The following PLCB1 variants were observed in gnomAD, a reference collection of about 807,000 sequenced individuals.
The protein encoded by PLCB1 is 1-phosphatidylinositol 4,5-bisphosphate phosphodiesterase beta-1.
Under a neutral mutation model 161.8 loss-of-function variants are expected in PLCB1, and 46 were observed. That is an observed-to-expected ratio of 0.28 (90% confidence interval 0.22 to 0.36). The LOEUF is 0.36. PLCB1 is among the 10% of genes least tolerant of loss of function. The probability of loss-of-function intolerance (pLI) is 1.00; values close to 1 mark genes in which losing one functional copy is unlikely to be tolerated. For missense variants in PLCB1, 1,016 were observed against 1,472.5 expected (o/e 0.69, Z 5.07); for synonymous variants, 517 against 503.7 (o/e 1.03, Z -0.35).
At chr20:8,723,266 A>G (rs2123480177) in intron 15 of PLCB1, among the ~76,000 whole-genome samples, 1 of 152,272 alleles carries the variant, frequency 6.6e-6, no homozygotes, top group South Asian at 2.1e-4. Context: ...GGCAAAGTAT[A>G]TGTTCCTGAG....
chr20:8,273,284 C>T (rs1200440461), intron 2 of PLCB1, among the ~76,000 whole-genome samples: 1 of 152,148 alleles, frequency 6.6e-6, no homozygotes, highest in East Asian at 1.9e-4. Context: ...TATGACTTGG[C>T]TTTTCATTTC....
intron 2 of PLCB1, among the ~76,000 whole-genome samples, chr20:8,192,328 C>CAATTTAAAAAAATTT (rs2051978624): frequency 6.6e-6 from 1 of 151,686 alleles, no homozygotes; most frequent in African/African-American, 2.4e-5. Flanking sequence ...GCCCGAGAAG[C>CAATTTAAAAAAATTT]TAATTTAAAA....
At position 8,161,210 on chromosome 20, in the gene PLCB1, T is replaced by C. The variant is rs118016262; in HGVS notation, c.177+10839T>C. Among the ~76,000 whole-genome samples the C allele has an allele frequency of 1.0e-2, 1,520 of 152,222 alleles. 8 individuals carry two copies. The highest frequency in any genetic ancestry group is 0.016 in the Admixed American group (252 of 15,274). On this transcript the variant is annotated intron_variant, in intron 2 of 31. Transcript: ENST00000338037. ...GTAGCATAGGTATACTTATAGTCTA[T>C]AATAGTATGTATATAGTGCATATAT...
intron 4 of PLCB1, among the ~76,000 whole-genome samples, chr20:8,638,903 A>G (rs1988852918): frequency 6.6e-6 from 1 of 152,066 alleles, no homozygotes; most frequent in Non-Finnish European, 1.5e-5. Flanking sequence ...CTGGAGTAAC[A>G]GAAAACCAAA....
At chr20:8,447,741 A>G (rs191023828) in intron 3 of PLCB1, among the ~76,000 whole-genome samples, 56 of 152,336 alleles carry the variant, frequency 3.7e-4, no homozygotes, top group Non-Finnish European at 1.0e-4. Flanking sequence ...CTTTTGAGCC[A>G]TTAGTCAACA....
Position 8,141,148 on chromosome 20 carries a change from A to G in PLCB1, c.99+8398A>G, listed in dbSNP as rs111753143. Reference sequence around the variant, plus strand: ...TGAATACAAGTTTGAAGAGATTGATAGACTTTTCCAAAGAATCTCTGTTAT... The same window carrying G: ...TGAATACAAGTTTGAAGAGATTGATGGACTTTTCCAAAGAATCTCTGTTAT... On this transcript the variant is annotated intron_variant, in intron 1 of 31. Transcript: ENST00000338037. Among the ~76,000 whole-genome samples, 282 of 152,326 alleles carry G rather than the reference A, an allele frequency of 1.9e-3. 2 individuals are homozygous for G. The highest frequency in any genetic ancestry group is 6.4e-3 in the African/African-American group (265 of 41,576).
intron 31 of PLCB1, among the ~76,000 whole-genome samples, chr20:8,858,022 C>T (rs1020443964): frequency 2.0e-5 from 3 of 152,072 alleles, no homozygotes; most frequent in Non-Finnish European, 4.4e-5. Context: ...CCCAGTTTAT[C>T]ACTTGCTTCT....
chr20:8,804,927 G>A (rs1044471313), intron 31 of PLCB1, among the ~76,000 whole-genome samples: 5 of 143,634 alleles, frequency 3.5e-5, no homozygotes, highest in East Asian at 2.0e-4. Context: ...CCTTGAACCC[G>A]GAAGGTGATG....
Position 8,739,017 on chromosome 20 carries a change from G to A in PLCB1, c.2209-244G>A, listed in dbSNP as rs540737204. Among the ~76,000 whole-genome samples, 3 of 152,186 alleles carry A rather than the reference G, an allele frequency of 2.0e-5. No homozygotes were observed. The East Asian group carries it at 5.8e-4, about 29-fold the overall frequency. On this transcript the variant is annotated intron_variant, in intron 20 of 31. Transcript: ENST00000338037. Reference sequence around the variant, plus strand: ...AAGTACAAAAATTAGTCAGGTGTGGGGGCATGCACCTGTAGTCCCAGCTAC... The same window carrying A: ...AAGTACAAAAATTAGTCAGGTGTGGAGGCATGCACCTGTAGTCCCAGCTAC...
At chr20:8,651,875 C>T (rs1989331747) in intron 7 of PLCB1, 1 of 197,886 alleles carries the variant, frequency 5.1e-6, no homozygotes, top group African/African-American at 2.3e-5. Flanking sequence ...TGAGAAAAGA[C>T]CACCGCATTC....
At chr20:8,492,838 A>G (rs549181370) in intron 3 of PLCB1, among the ~76,000 whole-genome samples, 1 of 85,800 alleles carries the variant, frequency 1.2e-5, no homozygotes, top group Non-Finnish European at 2.3e-5. Flanking sequence ...AAACTTTATT[A>G]TATATATATA....
intron 2 of PLCB1, among the ~76,000 whole-genome samples, chr20:8,233,028 C>T (rs1361172221): frequency 6.6e-6 from 1 of 152,160 alleles, no homozygotes; most frequent in Non-Finnish European, 1.5e-5. Context: ...CCCTGTCACA[C>T]TCTTGGTCCT....
At chr20:8,374,220 C>G (rs972851192) in intron 3 of PLCB1, among the ~76,000 whole-genome samples, 8 of 152,128 alleles carry the variant, frequency 5.3e-5, no homozygotes, top group Admixed American at 2.0e-4. Context: ...TGAGTGAGTT[C>G]TCACGAGATC....
At chr20:8,789,787 A>G (rs1301748947) in intron 30 of PLCB1, among the ~76,000 whole-genome samples, 2 of 152,250 alleles carry the variant, frequency 1.3e-5, no homozygotes, top group Non-Finnish European at 2.9e-5. Flanking sequence ...CTAAAAATAG[A>G]GTCAAGTCAT....
intron 4 of PLCB1, among the ~76,000 whole-genome samples, chr20:8,645,322 A>AG (rs1368502945): frequency 1.3e-5 from 2 of 148,458 alleles, no homozygotes; most frequent in Admixed American, 1.3e-4. Flanking sequence ...AATAAAAAAA[A>AG]TAAAGACATT....
intron 31 of PLCB1, among the ~76,000 whole-genome samples, chr20:8,802,983 G>A (rs1984356125): frequency 6.6e-6 from 1 of 152,148 alleles, no homozygotes; most frequent in Admixed American, 6.5e-5. Context: ...CTAATGTAAT[G>A]AAAATAAAAT....
intron 31 of PLCB1, among the ~76,000 whole-genome samples, chr20:8,820,170 C>G (rs1414751938): frequency 6.8e-6 from 1 of 147,578 alleles, no homozygotes; most frequent in Non-Finnish European, 1.5e-5. Context: ...ATTCAACCAG[C>G]AGATACAGAG....
intron 2 of PLCB1, among the ~76,000 whole-genome samples, chr20:8,365,370 G>T (rs1043155551): frequency 1.3e-5 from 2 of 152,054 alleles, no homozygotes; most frequent in South Asian, 4.1e-4. Flanking sequence ...TCTCTGCCTT[G>T]GTTCTTATTG....
chr20:8,534,379 C>T (rs918428387), intron 3 of PLCB1, among the ~76,000 whole-genome samples: 4 of 152,204 alleles, frequency 2.6e-5, no homozygotes, highest in African/African-American at 7.2e-5. Flanking sequence ...ATTATATTTA[C>T]TTCTTTGACA....
Sources: allele counts gnomAD v4.1 joint callset (sites outside exome capture counted in the v4.1 genomes callset), GRCh38; gene constraint gnomAD v4.1.1; transcripts MANE v1.5; gene names NCBI Gene and HGNC (gene_info 2026-07-23, HGNC 2026-07-21).